The following HDAC9 variants were observed in gnomAD, a reference collection of about 807,000 sequenced individuals.
HDAC9 encodes histone deacetylase 9.
A neutral mutation model predicts 139.4 loss-of-function variants in HDAC9; 41 were observed. That is an observed-to-expected ratio of 0.29 (90% confidence interval 0.23 to 0.38). HDAC9 has a LOEUF of 0.38. Among genes scored for constraint, HDAC9 ranks in the 10% least tolerant of loss-of-function variants. The pLI, the probability that HDAC9 is intolerant of heterozygous loss-of-function variation, is 1.00. For missense variants in HDAC9, 1,147 were observed against 1,297.0 expected, an observed-to-expected ratio of 0.88 and a Z score of 1.78; for synonymous variants, 517 against 476.2, an observed-to-expected ratio of 1.09 and a Z score of -1.12.
At chr7:18,598,745 T>C (rs568365910) in intron 6 of HDAC9, among the ~76,000 whole-genome samples, 1 of 152,354 alleles carries the variant, frequency 6.6e-6, no homozygotes, top group Admixed American at 6.5e-5. Context: ...TCTTCTACCT[T>C]TATTAATAGA....
intron 17 of HDAC9, among the ~76,000 whole-genome samples, chr7:18,822,947 T>G (rs974683860): frequency 1.3e-5 from 2 of 152,256 alleles, no homozygotes; most frequent in African/African-American, 4.8e-5. Context: ...GTATTATATA[T>G]TCTGCTATAA....
At chr7:18,406,684 C>T (rs1255424772) in intron 1 of HDAC9, among the ~76,000 whole-genome samples, 6 of 152,170 alleles carry the variant, frequency 3.9e-5, no homozygotes, top group Non-Finnish European at 5.9e-5. Flanking sequence ...CTGCCATGCC[C>T]GGCCTTCCCC....
intron 2 of HDAC9, among the ~76,000 whole-genome samples, chr7:18,241,438 C>G (rs916094763): frequency 3.9e-5 from 6 of 152,132 alleles, no homozygotes; most frequent in African/African-American, 1.4e-4. Context: ...TCTTCCTGCC[C>G]TGTGGCTGCT....
At chr7:18,424,950 G>A (rs1789975942) in intron 1 of HDAC9, among the ~76,000 whole-genome samples, 1 of 152,058 alleles carries the variant, frequency 6.6e-6, no homozygotes, top group Admixed American at 6.6e-5. Flanking sequence ...TATGTTTTAT[G>A]ATTTCCTAGT....
At chr7:18,214,260 T>G (rs1792140682) in intron 2 of HDAC9, among the ~76,000 whole-genome samples, 2 of 152,108 alleles carry the variant, frequency 1.3e-5, no homozygotes, top group Admixed American at 6.6e-5. Flanking sequence ...CAGCCAGAAT[T>G]TGAAGCTACT....
intron 1 of HDAC9, among the ~76,000 whole-genome samples, chr7:18,394,351 A>G (rs1187010305): frequency 6.6e-6 from 1 of 152,114 alleles, no homozygotes; most frequent in Non-Finnish European, 1.5e-5. Flanking sequence ...ATTAAGAGGG[A>G]GCATCGTCTA....
chr7:18,173,732 G>T (rs1009202215), intron 2 of HDAC9, among the ~76,000 whole-genome samples: 4 of 152,132 alleles, frequency 2.6e-5, no homozygotes, highest in Non-Finnish European at 4.4e-5. Flanking sequence ...TGAAATTCTG[G>T]GTTGAAAATT....
intron 1 of HDAC9, among the ~76,000 whole-genome samples, chr7:18,345,450 A>G (rs529157530): frequency 6.6e-6 from 1 of 151,998 alleles, no homozygotes; most frequent in African/African-American, 2.4e-5. Flanking sequence ...AGGAATCACA[A>G]TTCTCCTAGC....
intron 1 of HDAC9, among the ~76,000 whole-genome samples, chr7:18,396,080 T>C (rs1209917805): frequency 2.9e-5 from 1 of 34,996 alleles, no homozygotes; most frequent in Admixed American, 3.0e-4. Flanking sequence ...CAAAGTGTCA[T>C]TCCCTTCCCT....
chr7:18,401,976 A>G (rs1787587732), intron 1 of HDAC9, among the ~76,000 whole-genome samples: 1 of 152,144 alleles, frequency 6.6e-6, no homozygotes, highest in Non-Finnish European at 1.5e-5. Context: ...GCTTTGTGGC[A>G]CTTCTCATAT....
intron 14 of HDAC9, among the ~76,000 whole-genome samples, chr7:18,750,307 T>G (rs1288345502): frequency 6.6e-6 from 1 of 152,202 alleles, no homozygotes; most frequent in Non-Finnish European, 1.5e-5. Context: ...ATATTCTATG[T>G]TACAAGGGAA....
intron 25 of HDAC9, among the ~76,000 whole-genome samples, chr7:18,977,566 A>G (rs1784622553): frequency 6.6e-6 from 1 of 152,174 alleles, no homozygotes; most frequent in Non-Finnish European, 1.5e-5. Context: ...ATCCTCAGGT[A>G]AATAGTGTGC....
At chr7:18,877,327 A>C (rs1390224288) in intron 22 of HDAC9, among the ~76,000 whole-genome samples, 5 of 152,154 alleles carry the variant, frequency 3.3e-5, no homozygotes, top group Non-Finnish European at 7.3e-5. Flanking sequence ...CTTTGGTCGA[A>C]AAGTTCTGTA....
chr7:18,826,688 C>T, intron 17 of HDAC9, among the ~76,000 whole-genome samples: 1 of 145,946 alleles, frequency 6.9e-6, no homozygotes, highest in East Asian at 2.0e-4. Context: ...TTTAATAATC[C>T]AACTAATTAC....
At chr7:18,923,360 T>A (rs1054264376) in intron 22 of HDAC9, among the ~76,000 whole-genome samples, 2 of 152,134 alleles carry the variant, frequency 1.3e-5, no homozygotes, top group African/African-American at 4.8e-5. Context: ...TTCTTTGGTT[T>A]GAAAAGTAGT....
chr7:18,720,127 A>T (rs1360903191), intron 12 of HDAC9, among the ~76,000 whole-genome samples: 2 of 152,106 alleles, frequency 1.3e-5, no homozygotes, highest in African/African-American at 2.4e-5. Flanking sequence ...GTGACCTTTG[A>T]TGCAGGAAAT....
At chr7:18,667,207 TGTC>T in intron 12 of HDAC9, 1 of 985,252 alleles carries the variant, frequency 1.0e-6, no homozygotes, top group Non-Finnish European at 1.2e-6. Context: ...TTGATGACAC[TGTC>T]TATCAAAAAA....
intron 2 of HDAC9, among the ~76,000 whole-genome samples, chr7:18,554,327 C>CTTTTTTTT (rs34326798): frequency 1.7e-5 from 1 of 58,284 alleles, no homozygotes; most frequent in African/African-American, 7.3e-5. Context: ...TTACAGATCA[C>CTTTTTTTT]TTTTTTTTTT....
intron 13 of HDAC9, among the ~76,000 whole-genome samples, chr7:18,734,373 T>TC (rs1786686046): frequency 6.6e-6 from 1 of 151,976 alleles, no homozygotes; most frequent in Non-Finnish European, 1.5e-5. Context: ...ATGCTACCCC[T>TC]CCCCCAGCCC....
Sources: gnomAD v4.1 joint callset for allele counts (sites outside exome capture counted in the v4.1 genomes callset) on GRCh38, gnomAD v4.1.1 for gene constraint, MANE v1.5 for transcripts, NCBI Gene and HGNC (gene_info 2026-07-23, HGNC 2026-07-21) for gene names.